ARHGEF10L: variants seen among roughly 807,000 people sequenced by gnomAD.
ARHGEF10L encodes rho guanine nucleotide exchange factor 10-like protein.
Under a neutral mutation model 141.2 loss-of-function variants are expected in ARHGEF10L, and 69 were observed. The ratio of observed to expected loss-of-function variants is 0.49; its 90% CI spans 0.40 to 0.60. The LOEUF is 0.60. Among genes scored for constraint, ARHGEF10L ranks in the 20% least tolerant of loss-of-function variants. ARHGEF10L has a pLI of 0.00. For synonymous variants in ARHGEF10L, 711 were observed against 718.5 expected, an observed-to-expected ratio of 0.99 and a Z score of 0.17; for missense variants, 1,482 against 1,734.3, an observed-to-expected ratio of 0.85 and a Z score of 2.58.
rs35638893 is a variant in ARHGEF10L at position 17,637,516 on chromosome 1, T to TG, written c.1928-369dup. Among the ~76,000 whole-genome samples, 1,269 of 152,104 alleles carry TG rather than the reference T, an allele frequency of 8.3e-3. 16 individuals are homozygous for TG. The highest frequency in any genetic ancestry group is 0.029 in the African/African-American group (1,202 of 41,460). On this transcript the variant is annotated intron_variant, in intron 18 of 28. Transcript: ENST00000361221. ...TTTCTGGAACTCTTTCTTTTTTTTTTGGGTTGGAGTCTTGCTCTGTCACCC... is the reference window on the plus strand; with the variant it reads ...TTTCTGGAACTCTTTCTTTTTTTTTTGGGGTTGGAGTCTTGCTCTGTCACCC...
intron 1 of ARHGEF10L, among the ~76,000 whole-genome samples, chr1:17,554,519 C>T (rs78087936): frequency 0.017 from 2,597 of 151,432 alleles, 74 homozygotes; most frequent in African/African-American, 0.059. Context: ...CCAGACCCAG[C>T]AATAGAAGGG....
At position 17,637,397 on chromosome 1, in the gene ARHGEF10L, T is replaced by C. The variant is rs2061063825; in HGVS notation, c.1928-491T>C. Among the ~76,000 whole-genome samples the C allele has an allele frequency of 5.9e-5, 9 of 152,356 alleles. No individual in the cohort carries two copies. In the South Asian group the frequency reaches 1.9e-3, roughly 32 times the overall value. On this transcript the variant is annotated intron_variant, in intron 18 of 28. Coordinates refer to ENST00000361221, the MANE Select transcript of ARHGEF10L (RefSeq NM_018125.4). ...TACAGCCCTTTGTACAGACTGACTA[T>C]GGCCTGGATCTCAGGTGTTAGACTT...
At chr1:17,635,398 A>G (rs898905607) in intron 18 of ARHGEF10L, among the ~76,000 whole-genome samples, 2 of 152,154 alleles carry the variant, frequency 1.3e-5, no homozygotes, top group African/African-American at 4.8e-5. Context: ...AGTGCACGTC[A>G]TCCCGCCCCA....
In ARHGEF10L at chr1:17,656,733, AG is replaced by A. The variant is rs36084501; in HGVS notation, c.2860+31del. On this transcript the variant is annotated intron_variant, in intron 25 of 28. Transcript: ENST00000361221. This position sits in a 1 kb window ranked among gnomAD's most constrained non-coding sequence, Gnocchi z 4.9. ...GGTGAGGACTGGGGGGAATGGGGGAAGGGGGGCAGTCCTGGATGCCAGCTGG... is the reference window on the plus strand; with the variant it reads ...GGTGAGGACTGGGGGGAATGGGGGAAGGGGGCAGTCCTGGATGCCAGCTGG... 5 of 1,601,848 alleles carry A rather than the reference AG, an allele frequency of 3.1e-6. No individual in the cohort carries two copies. The highest frequency in any genetic ancestry group is 2.7e-5 in the African/African-American group (2 of 74,708).
chr1:17,620,377 G>C (rs973601258), intron 10 of ARHGEF10L, among the ~76,000 whole-genome samples: 8 of 152,144 alleles, frequency 5.3e-5, no homozygotes, highest in African/African-American at 1.9e-4. Flanking sequence ...CACTGAGCAG[G>C]ATGTGTTGTA....
At chr1:17,668,100 T>C (rs2063095482) in intron 26 of ARHGEF10L, among the ~76,000 whole-genome samples, 1 of 152,152 alleles carries the variant, frequency 6.6e-6, no homozygotes. Context: ...CCGAGAACAT[T>C]CAAGCGAAAG....
upstream of ARHGEF10L, among the ~76,000 whole-genome samples, chr1:17,535,442 A>G (rs572627244): frequency 3.9e-5 from 6 of 152,310 alleles, no homozygotes; most frequent in South Asian, 4.1e-4. Flanking sequence ...CCCCTGCACT[A>G]TGGAGCTGAC....
At chr1:17,616,241 T>C in intron 9 of ARHGEF10L, 39 bp downstream of exon 9, 1 of 1,287,792 alleles carries the variant, frequency 7.8e-7, no homozygotes, top group Non-Finnish European at 1.1e-6. Flanking sequence ...GGTGCCCAGC[T>C]CTGACTGGGG....
intron 1 of ARHGEF10L, among the ~76,000 whole-genome samples, chr1:17,542,384 G>A (rs1319783554): frequency 6.6e-6 from 1 of 152,198 alleles, no homozygotes; most frequent in Non-Finnish European, 1.5e-5. Context: ...GGAAGTTCGA[G>A]GCTGCAGTGA....
At chr1:17,588,882 G>GTC (rs1557757995) in intron 4 of ARHGEF10L, among the ~76,000 whole-genome samples, 1 of 106,174 alleles carries the variant, frequency 9.4e-6, no homozygotes, top group African/African-American at 3.8e-5. Context: ...GTGTGTGTGT[G>GTC]TGTGTGTGTG....
chr1:17,690,914 C>CT (rs569811125), intron 27 of ARHGEF10L, among the ~76,000 whole-genome samples: 54 of 152,250 alleles, frequency 3.5e-4, no homozygotes, highest in African/African-American at 1.3e-3. Context: ...TTTTAAAAGG[C>CT]TTTTAAGTAT....
In ARHGEF10L at chr1:17,664,432, C is replaced by G. The variant is rs776313554; in HGVS notation, c.2861-15C>G. On this transcript the variant is annotated splice_polypyrimidine_tract_variant and intron_variant, in intron 25 of 28. Transcript: ENST00000361221. Reference sequence around the variant, plus strand: ...CGCTCCTGGCCCCTGACCTGCCTCCCCTCTCTCCCTGCAGGAGGTGTCCTG... The same window carrying G: ...CGCTCCTGGCCCCTGACCTGCCTCCGCTCTCTCCCTGCAGGAGGTGTCCTG... 6.3e-7 allele frequency: 1 copy of G among 1,599,600 alleles called. No homozygotes were observed. The highest frequency in any genetic ancestry group is 8.5e-7 in the Non-Finnish European group (1 of 1,179,030).
At chr1:17,533,343 T>G in the ARHGEF10L span, among the ~76,000 whole-genome samples, 1 of 152,216 alleles carries the variant, frequency 6.6e-6, no homozygotes, top group Non-Finnish European at 1.5e-5. Context: ...TATCTTATCA[T>G]TATTTTTGTA....
chr1:17,687,399 T>C (rs1265346550), intron 26 of ARHGEF10L, among the ~76,000 whole-genome samples, 174 bp from the exon 27 acceptor site: 2 of 152,230 alleles, frequency 1.3e-5, no homozygotes, highest in Non-Finnish European at 2.9e-5. Flanking sequence ...ACAGCTGGGC[T>C]TCTAAGATTC....
chr1:17,663,483 G>T (rs1399196549), intron 25 of ARHGEF10L, among the ~76,000 whole-genome samples: 3 of 151,890 alleles, frequency 2.0e-5, no homozygotes, highest in Non-Finnish European at 2.9e-5. Flanking sequence ...AACCCGGGGA[G>T]GCAGAGGTTG....
chr1:17,602,415 A>G (rs932554799), intron 5 of ARHGEF10L, among the ~76,000 whole-genome samples, 197 bp downstream of exon 5: 2 of 152,154 alleles, frequency 1.3e-5, no homozygotes, highest in Non-Finnish European at 2.9e-5. Context: ...CCAGTTTTTC[A>G]TCTGCTCCTC....
rs532323048 is a variant in ARHGEF10L at position 17,644,688 on chromosome 1, C to T, written c.2273-3866C>T. 2.8e-4 allele frequency among the ~76,000 whole-genome samples: 43 copies of T among 152,074 alleles called. No homozygotes were observed. Among genetic ancestry groups the T allele is most frequent in the South Asian group, 2.7e-3 (13 of 4,812 alleles). ...AAGTTCGGGAAGAGCAGTAAAGGCA[C>T]GATACTGGGACTGAGCCCAGTAGGA... is the stretch of plus-strand genomic sequence containing the variant. On this transcript the variant is annotated intron_variant, in intron 21 of 28. Transcript: ENST00000361221. This position sits in a 1 kb window ranked among gnomAD's most constrained non-coding sequence, Gnocchi z 4.5.
chr1:17,531,281 C>T, the ARHGEF10L span, among the ~76,000 whole-genome samples: 4 of 152,190 alleles, frequency 2.6e-5, no homozygotes, highest in African/African-American at 7.2e-5. Flanking sequence ...ACGTCCCTGA[C>T]GTGCTGAGTC....
the ARHGEF10L span, among the ~76,000 whole-genome samples, chr1:17,526,537 G>A: frequency 6.6e-6 from 1 of 152,158 alleles, no homozygotes; most frequent in Non-Finnish European, 1.5e-5. Context: ...TAAACCTGGT[G>A]CACAGCAAAT....
Sources: allele counts gnomAD v4.1 joint callset (sites outside exome capture counted in the v4.1 genomes callset), GRCh38; gene constraint gnomAD v4.1.1; non-coding constraint Gnocchi (gnomAD v3.1); transcripts MANE v1.5; gene names NCBI Gene and HGNC (gene_info 2026-07-23, HGNC 2026-07-21).